Variants in ZNF749 observed in about 807,000 individuals in gnomAD.
ZNF749 encodes zinc finger protein 749.
A neutral mutation model predicts 7.3 loss-of-function variants in ZNF749; 8 were observed. That is an observed-to-expected ratio of 1.10 (90% CI 0.64 to 1.98). The LOEUF (loss-of-function observed/expected upper bound fraction) is 1.98, where lower values mean the gene tolerates loss of function less well. Among genes scored for constraint, ZNF749 ranks in the 30% most tolerant of loss-of-function variants. The probability of loss-of-function intolerance (pLI) is 0.00; values close to 1 mark genes in which losing one functional copy is unlikely to be tolerated. For synonymous variants in ZNF749, 310 were observed against 322.4 expected (o/e 0.96, Z 0.41); for missense variants, 898 against 932.4 (o/e 0.96, Z 0.48).
intron 1 of ZNF749, among the ~76,000 whole-genome samples, chr19:57,441,548 A>G (rs928204853): frequency 3.3e-5 from 5 of 152,114 alleles, no homozygotes; most frequent in South Asian, 2.1e-4. Flanking sequence ...GGGAAAGCAT[A>G]TATCAGAGAC....
At position 57,443,996 on chromosome 19, in the gene ZNF749, C is replaced by G; in HGVS notation, c.848C>G (p.Ser283Cys). The G allele has an allele frequency of 6.2e-7, 1 of 1,613,898 alleles. No homozygotes were observed. The highest frequency in any genetic ancestry group is 8.5e-7 in the Non-Finnish European group (1 of 1,179,876). Residue 283 changes from serine to cysteine, a missense_variant, in exon 3 of 3, where the codon TCT (serine) becomes TGT (cysteine). Transcript: ENST00000334181. ...AGTGAAGGCTTTCTTTCAAAAAGGT[C>G]TGACCCCATTGAACATCAGGAGATT... ...IHSEGFLSKR[S>C]DPIEHQEILS...
intron 2 of ZNF749, 37 bp from the exon 3 acceptor site, chr19:57,443,254 G>A (rs766521997): frequency 2.6e-6 from 4 of 1,544,962 alleles, no homozygotes; most frequent in South Asian, 1.2e-5. Context: ...TCCCTCCGGA[G>A]TTCACGTGCA....
chr19:57,442,247 GA>G lies in ZNF749; in HGVS notation c.142+239del, dbSNP rs1230341268. Among the ~76,000 whole-genome samples the G allele has an allele frequency of 6.6e-6, 1 of 152,170 alleles. No individual in the cohort carries two copies. Among genetic ancestry groups the G allele is most frequent in the Non-Finnish European group, 1.5e-5 (1 of 68,026 alleles). ...TTTACAAGATAAGGCTCGGAAGTCA[GA>G]AATCTTCAGGTTTCTTTAAGATATC... On this transcript the variant is annotated intron_variant, in intron 2 of 2. Coordinates refer to ENST00000334181, the MANE Select transcript of ZNF749 (RefSeq NM_001023561.4). This position sits in a 1 kb window ranked among gnomAD's most constrained non-coding sequence, Gnocchi z 6.6.
In ZNF749 at chr19:57,435,424, A is replaced by G; in HGVS notation, c.-155A>G. On this transcript the variant is annotated 5_prime_UTR_variant, in exon 1 of 3. Transcript: ENST00000334181. ...AGCTCTGGGTCGGGACTGAGGTGAA[A>G]GAGCGGAAAAACGCGAGAAGCGGTG... The G allele has an allele frequency of 1.7e-6, 2 of 1,149,870 alleles. No individual in the cohort carries two copies. The highest frequency in any genetic ancestry group is 2.7e-5 in the South Asian group (2 of 74,026). 71.2% of individuals were successfully genotyped at this position (1,149,870 alleles called of 1,614,324 possible).
At position 57,446,052 on chromosome 19, in the gene ZNF749, G is replaced by T. The variant is rs1331607215; in HGVS notation, c.*567G>T. Among the ~76,000 whole-genome samples the T allele has an allele frequency of 2.6e-5, 4 of 152,152 alleles. No individual in the cohort carries two copies. Among genetic ancestry groups the T allele is most frequent in the Non-Finnish European group, 1.5e-5 (1 of 68,022 alleles). ...TCGCATTGTTGTCAATTAATATCCA[G>T]AAGTTTTTTCAACTTAATGAAACTA... is the stretch of plus-strand genomic sequence containing the variant. On this transcript the variant is annotated 3_prime_UTR_variant, in exon 3 of 3. Transcript: ENST00000334181.
At chr19:57,438,517 G>T (rs538354624) in intron 1 of ZNF749, 1 of 160,166 alleles carries the variant, frequency 6.2e-6, no homozygotes, top group East Asian at 1.8e-4. Flanking sequence ...GTCTCGTAAT[G>T]ATGGTCTCAA....
rs1447312240 is a variant in ZNF749 at position 57,435,383 on chromosome 19, A to G, written c.-196A>G. The G allele has an allele frequency of 2.6e-6, 2 of 780,446 alleles. No homozygotes were observed. The highest frequency in any genetic ancestry group is 2.4e-5 in the Admixed American group (1 of 42,178). The allele number at this position is 780,446 out of a possible 1,614,324, so 48.3% of individuals were successfully genotyped here. ...TGGCTACCTAGGGATCTGTTCACTG[A>G]TTTAGAGGGTCCCAGAGCTCTGGGT... On this transcript the variant is annotated 5_prime_UTR_variant, in exon 1 of 3. Transcript: ENST00000334181.
In ZNF749 at chr19:57,445,667, G is replaced by A. The variant is rs150557324; in HGVS notation, c.*182G>A. 3,072 of 641,672 alleles carry A rather than the reference G, an allele frequency of 4.8e-3. 8 individuals carry two copies. The highest frequency in any genetic ancestry group is 5.5e-3 in the Non-Finnish European group (2,862 of 516,162). The allele number at this position is 641,672 out of a possible 1,614,324, so 39.7% of individuals were successfully genotyped here. A position where few individuals can be genotyped will look rare whatever the true frequency, so the allele number is the denominator to read the frequency against. ...TTTATGTCCAGGCGTGGTGGCTCACGCCTGTAATCCCAGCACTTTGGGAGG... is the reference window on the plus strand; with the variant it reads ...TTTATGTCCAGGCGTGGTGGCTCACACCTGTAATCCCAGCACTTTGGGAGG... On this transcript the variant is annotated 3_prime_UTR_variant, in exon 3 of 3. Transcript: ENST00000334181.
intron 1 of ZNF749, 189 bp downstream of exon 1, chr19:57,435,782 T>G: frequency 8.4e-7 from 1 of 1,189,910 alleles, no homozygotes; most frequent in Non-Finnish European, 1.1e-6. Flanking sequence ...TCTCTGGGGC[T>G]TGGAGGCACT....
chr19:57,441,327 C>A (rs1178253666), intron 1 of ZNF749, among the ~76,000 whole-genome samples: 1 of 152,000 alleles, frequency 6.6e-6, no homozygotes, highest in South Asian at 2.1e-4. Context: ...TGTGTGGGTA[C>A]TGGGGAAGCA....
chr19:57,432,508 G>A (rs184673360), upstream of ZNF749, among the ~76,000 whole-genome samples: 726 of 145,892 alleles, frequency 5.0e-3, 5 homozygotes, highest in African/African-American at 0.017. Context: ...GTTGCAGTGA[G>A]CTGAGATCCT....
upstream of ZNF749, chr19:57,435,273 G>T: frequency 1.8e-6 from 1 of 564,154 alleles, no homozygotes; most frequent in Non-Finnish European, 3.2e-6. Context: ...AGCGAGTGTA[G>T]CCATTGGTCT....
chr19:57,430,412 A>G (rs2088893900), upstream of ZNF749, among the ~76,000 whole-genome samples: 1 of 152,190 alleles, frequency 6.6e-6, no homozygotes, highest in Admixed American at 6.5e-5. Flanking sequence ...ACCTCTTAAT[A>G]TTGTTACAGT....
intron 1 of ZNF749, among the ~76,000 whole-genome samples, chr19:57,438,694 G>A (rs754238316): frequency 4.6e-5 from 7 of 152,082 alleles, no homozygotes; most frequent in Admixed American, 1.3e-4. Context: ...TTATCTCTCC[G>A]TTATTTTAGG....
At position 57,443,407 on chromosome 19, in the gene ZNF749, A is replaced by G; in HGVS notation, c.259A>G (p.Lys87Glu). 6.2e-7 allele frequency: 1 copy of G among 1,614,242 alleles called. No homozygotes were observed. The highest frequency in any genetic ancestry group is 8.5e-7 in the Non-Finnish European group (1 of 1,180,044). ...ALSTLKAQPC[K>E]MCSSILKDIL... The stretch of plus-strand genomic sequence containing the variant: ...GTCCACCCTGAAGGCCCAGCCCTGC[A>G]AGATGTGTAGCTCAATTCTGAAGGA... The change falls in exon 3 of 3, where the codon AAG (lysine) becomes GAG (glutamate). Residue 87 changes from lysine (K) to glutamate (E), a missense_variant. Lys to Glu is a moderately conservative substitution (Grantham distance 56). Transcript: ENST00000334181.
Position 57,445,117 on chromosome 19 carries a change from A to T in ZNF749, c.1969A>T (p.Ile657Phe). ...TTTTAGAGATAGCTACAAACTCATT[A>T]TTCATCAGAGAGTTCATACTGGAGA... ...KFFRDSYKLI[I>F]HQRVHTGEKP... Residue 657 changes from isoleucine (I) to phenylalanine (F), a missense_variant, in exon 3 of 3, where the codon ATT becomes TTT. By Grantham distance (21) the Ile-to-Phe change is conservative (BLOSUM62 0). Coordinates refer to ENST00000334181, the MANE Select transcript of ZNF749 (RefSeq NM_001023561.4). The T allele has an allele frequency of 6.2e-7, 1 of 1,613,924 alleles. No homozygotes were observed. Among genetic ancestry groups the T allele is most frequent in the Admixed American group, 1.7e-5 (1 of 59,990 alleles).
chr19:57,445,469 C>A lies in ZNF749; in HGVS notation c.2321C>A (p.Thr774Asn). 1 of 1,608,334 alleles carries A rather than the reference C, an allele frequency of 6.2e-7. No homozygotes were observed. Among genetic ancestry groups the A allele is most frequent in the Non-Finnish European group, 8.5e-7 (1 of 1,177,178 alleles). The change falls in exon 3 of 3, where the codon ACT becomes AAT. Residue 774 changes from threonine (T) to asparagine (N), a missense_variant. Thr to Asn is a moderately conservative substitution (Grantham distance 65, BLOSUM62 0). Transcript: ENST00000334181. ...SSLIKHQIIH[T>N]GKRP ...CTCATTAAACATCAGATAATTCATA[C>A]TGGAAAAAGGCCTTAGTGGAGTGAA...
In ZNF749 at chr19:57,445,017, T is replaced by C. The variant is rs754947021; in HGVS notation, c.1869T>C (p.Tyr623=). 11 of 1,614,088 alleles carry C rather than the reference T, an allele frequency of 6.8e-6. No homozygotes were observed. The highest frequency in any genetic ancestry group is 1.6e-4 in the Middle Eastern group (1 of 6,062). The change falls in exon 3 of 3, where the codon TAT becomes TAC. Residue 623 remains tyrosine (Y), a synonymous_variant. Transcript: ENST00000334181. ...KCSKCGKFFR[Y]RCTLSRHQKV... is the part of the protein sequence containing the mutation. ...GCAAATGTGGGAAATTCTTTAGATA[T>C]CGCTGTACACTGAGTAGACATCAGA...
upstream of ZNF749, among the ~76,000 whole-genome samples, chr19:57,433,111 AGTGT>A (rs71186260): frequency 0.27 from 39,154 of 143,208 alleles, 5,494 homozygotes; most frequent in African/African-American, 0.37. Flanking sequence ...AGTCTTGAGG[AGTGT>A]GTGTGTGTGT....
Sources: allele counts gnomAD v4.1 joint callset (sites outside exome capture counted in the v4.1 genomes callset), GRCh38; gene constraint gnomAD v4.1.1; non-coding constraint Gnocchi (gnomAD v3.1); transcripts MANE v1.5; gene names NCBI Gene and HGNC (gene_info 2026-07-23, HGNC 2026-07-21).